The following FN3KRP variants were observed in gnomAD, a reference collection of about 807,000 sequenced individuals.
The protein encoded by FN3KRP is ketosamine-3-kinase.
In FN3KRP, 33 loss-of-function variants were observed where a neutral mutation model predicts 29.8. The observed-to-expected ratio is 1.11, with a 90% CI of 0.84 to 1.48. The LOEUF (loss-of-function observed/expected upper bound fraction) is 1.48, where lower values mean the gene tolerates loss of function less well. Ranked by LOEUF, FN3KRP falls within the 40% of genes most tolerant of loss-of-function variation. The pLI, the probability that FN3KRP is intolerant of heterozygous loss-of-function variation, is 0.00. For missense variants in FN3KRP, 430 were observed against 402.6 expected, an observed-to-expected ratio of 1.07 and a Z score of -0.58; for synonymous variants, 157 against 155.2, an observed-to-expected ratio of 1.01 and a Z score of -0.09.
chr17:82,723,618 CATATGTGT>C (rs1568061409), intron 4 of FN3KRP, among the ~76,000 whole-genome samples: 1 of 151,840 alleles, frequency 6.6e-6, no homozygotes, highest in Non-Finnish European at 1.5e-5. Flanking sequence ...CGCATGTGTG[CATATGTGT>C]ATGTGTGCAC....
rs1297706041 is a variant in FN3KRP, at chr17:82,716,731, G to T, written c.-25G>T. On this transcript the variant is annotated 5_prime_UTR_variant, in exon 1 of 6. Coordinates refer to ENST00000269373, the MANE Select transcript of FN3KRP (RefSeq NM_024619.4). ...CTCTCGAGTCTCCGCCAGATCCGGG[G>T]CGGGTCCGCGGCCGCGGCGGGAACA... is the stretch of plus-strand genomic sequence containing the variant. The T allele has an allele frequency of 6.8e-7, 1 of 1,476,868 alleles. No homozygotes were observed. The highest frequency in any genetic ancestry group is 3.0e-5 in the Admixed American group (1 of 33,036). The allele number at this position is 1,476,868 out of a possible 1,614,324, so 91.5% of individuals were successfully genotyped here. A position where few individuals can be genotyped will look rare whatever the true frequency, so the allele number is the denominator to read the frequency against.
intron 1 of FN3KRP, chr17:82,718,541 C>T: frequency 1.9e-6 from 2 of 1,032,796 alleles, no homozygotes; most frequent in Non-Finnish European, 2.3e-6. Context: ...AACAGGACTG[C>T]AGTTGAGGTG....
rs967016381 is a variant in FN3KRP, at chr17:82,722,885, A to G, written c.467A>G (p.Gln156Arg). ...DVVTCCGYLP[Q>R]VNDWQEDWVV... ...GTGACGTGCTGTGGATACCTCCCCC[A>G]GGTGAGTGCACGGCGTTTGCTTCTA... is the stretch of plus-strand genomic sequence containing the variant. Residue 156 changes from glutamine to arginine, a missense_variant and splice_region_variant, in exon 4 of 6, where the codon CAG (glutamine) becomes CGG (arginine). Physicochemically the swap from Gln to Arg is conservative, Grantham distance 43. Transcript: ENST00000269373. The G allele has an allele frequency of 1.2e-5, 19 of 1,613,686 alleles. No individual in the cohort carries two copies. Among genetic ancestry groups the G allele is most frequent in the Non-Finnish European group, 1.6e-5 (19 of 1,179,742 alleles).
intron 1 of FN3KRP, 140 bp downstream of exon 1, chr17:82,717,036 G>A: frequency 1.8e-6 from 2 of 1,100,836 alleles, no homozygotes; most frequent in Non-Finnish European, 2.5e-6. Context: ...CGCCCCTTGC[G>A]GGGAACCCTT....
At chr17:82,723,683 A>C (rs771244551) in intron 4 of FN3KRP, among the ~76,000 whole-genome samples, 3 of 151,352 alleles carry the variant, frequency 2.0e-5, no homozygotes, top group Non-Finnish European at 4.4e-5. Context: ...GTATGTGTGC[A>C]GGCGTGTGTG....
At chr17:82,719,860 G>A (rs2143608157) in intron 2 of FN3KRP, among the ~76,000 whole-genome samples, 1 of 152,116 alleles carries the variant, frequency 6.6e-6, no homozygotes, top group Non-Finnish European at 1.5e-5. Context: ...CCTACTTTCT[G>A]TCCTCAAAAT....
chr17:82,720,480 G>C, intron 3 of FN3KRP, 117 bp downstream of exon 3: 4 of 702,570 alleles, frequency 5.7e-6, no homozygotes, highest in Non-Finnish European at 7.1e-6. Context: ...GCTGATGGCA[G>C]AGCAAGGGAA....
At chr17:82,724,328 G>A (rs755146641) in intron 4 of FN3KRP, among the ~76,000 whole-genome samples, 18 of 150,416 alleles carry the variant, frequency 1.2e-4, no homozygotes, top group Non-Finnish European at 1.8e-4. Flanking sequence ...GTTCTGGACC[G>A]GGCACGGTGG....
intron 1 of FN3KRP, chr17:82,718,498 G>C: frequency 1.0e-6 from 1 of 992,772 alleles, no homozygotes; most frequent in Non-Finnish European, 1.2e-6. Flanking sequence ...GCCTGCACCT[G>C]AGAGGTCGGG....
At chr17:82,724,837 C>G (rs773298102) in intron 4 of FN3KRP, among the ~76,000 whole-genome samples, 28 of 151,898 alleles carry the variant, frequency 1.8e-4, no homozygotes, top group Non-Finnish European at 3.7e-4. Flanking sequence ...GAGATGGAGT[C>G]TCGCTCTGTC....
At chr17:82,726,728 G>A (rs1467518645) in intron 5 of FN3KRP, 105 bp from the exon 6 acceptor site, 1 of 1,503,706 alleles carries the variant, frequency 6.7e-7, no homozygotes, top group African/African-American at 1.4e-5. Flanking sequence ...GTGCCTGGTG[G>A]TGTGCTATCC....
Position 82,727,907 on chromosome 17 carries a change from T to C in FN3KRP, c.*736T>C, listed in dbSNP as rs1005345111. Reference sequence around the variant, plus strand: ...ATTAAAATACATGCTGAACTCATATTTTTCCTTCCTTCACTGTTGTAGTAA... The same window carrying C: ...ATTAAAATACATGCTGAACTCATATCTTTCCTTCCTTCACTGTTGTAGTAA... On this transcript the variant is annotated 3_prime_UTR_variant, in exon 6 of 6. Transcript: ENST00000269373. 6.6e-6 allele frequency: 1 copy of C among 152,186 alleles called. No individual in the cohort carries two copies. Among genetic ancestry groups the C allele is most frequent in the African/African-American group, 2.4e-5 (1 of 41,452 alleles). 9.4% of individuals were successfully genotyped at this position (152,186 alleles called of 1,614,324 possible).
At chr17:82,724,153 G>C (rs892575449) in intron 4 of FN3KRP, among the ~76,000 whole-genome samples, 4 of 151,556 alleles carry the variant, frequency 2.6e-5, no homozygotes, top group Non-Finnish European at 5.9e-5. Flanking sequence ...AATTAGCAGG[G>C]TGTGGTGGTG....
At chr17:82,720,486 G>A (rs1598333172) in intron 3 of FN3KRP, 123 bp downstream of exon 3, 1 of 668,436 alleles carries the variant, frequency 1.5e-6, no homozygotes, top group Non-Finnish European at 2.5e-6. Flanking sequence ...GGCAGAGCAA[G>A]GGAATGTCGG....
chr17:82,721,451 C>G (rs942691477), intron 3 of FN3KRP, among the ~76,000 whole-genome samples: 1 of 152,048 alleles, frequency 6.6e-6, no homozygotes, highest in African/African-American at 2.4e-5. Flanking sequence ...CCACTGAGAG[C>G]CATCCTTTCT....
Position 82,722,843 on chromosome 17 carries a change from G to T in FN3KRP, c.425G>T (p.Arg142Leu), listed in dbSNP as rs374288236. The T allele has an allele frequency of 1.2e-6, 2 of 1,614,014 alleles. No homozygotes were observed. Among genetic ancestry groups the T allele is most frequent in the Admixed American group, 3.3e-5 (2 of 60,004 alleles). The change falls in exon 4 of 6, where the codon CGG becomes CTG. Residue 142 changes from arginine to leucine, a missense_variant. Coordinates refer to ENST00000269373, the MANE Select transcript of FN3KRP (RefSeq NM_024619.4). ...CAGGAGGAACGGCCCTTTGTGGCCC[G>T]GTTTGGATTTGACGTGGTGACGTGC... is the stretch of plus-strand genomic sequence containing the variant. ...GGQEERPFVARFGFDVVTCCG... is the reference protein window; with the variant it reads ...GGQEERPFVALFGFDVVTCCG...
chr17:82,726,936 T>C lies in FN3KRP; in HGVS notation c.695T>C (p.Ile232Thr). The change falls in exon 6 of 6, where the codon ATT (isoleucine) becomes ACT (threonine). Residue 232 changes from isoleucine (I) to threonine (T), a missense_variant. Ile to Thr is a moderately conservative substitution (Grantham distance 89). Coordinates refer to ENST00000269373, the MANE Select transcript of FN3KRP (RefSeq NM_024619.4). ...GCAGAGGATTCCTCTGGGCCGGTGA[T>C]TTTTGACCCAGCTTCTTTCTACGGC... ...NVAEDSSGPV[I>T]FDPASFYGHS... The C allele has an allele frequency of 6.2e-7, 1 of 1,613,308 alleles. No homozygotes were observed. The highest frequency in any genetic ancestry group is 8.5e-7 in the Non-Finnish European group (1 of 1,179,556).
At chr17:82,720,067 G>A (rs376740366) in intron 2 of FN3KRP, among the ~76,000 whole-genome samples, 2 of 152,148 alleles carry the variant, frequency 1.3e-5, no homozygotes, top group African/African-American at 2.4e-5. Flanking sequence ...TCGGGAGGCT[G>A]AGGCAGGAGA....
chr17:82,718,216 C>T (rs1351723093), intron 1 of FN3KRP, among the ~76,000 whole-genome samples: 1 of 151,202 alleles, frequency 6.6e-6, no homozygotes, highest in African/African-American at 2.4e-5. Flanking sequence ...AGGGTGGAGC[C>T]CCAGATGAGG....
Sources: allele counts gnomAD v4.1 joint callset (sites outside exome capture counted in the v4.1 genomes callset), GRCh38; gene constraint gnomAD v4.1.1; transcripts MANE v1.5; gene names NCBI Gene and HGNC (gene_info 2026-07-23, HGNC 2026-07-21).